Variants in SCUBE2 observed in about 807,000 individuals in gnomAD.
SCUBE2 encodes signal peptide, CUB and EGF-like domain-containing protein 2.
Under a neutral mutation model 125.9 loss-of-function variants are expected in SCUBE2, and 114 were observed. The ratio of observed to expected loss-of-function variants is 0.91; its 90% CI spans 0.78 to 1.06. The LOEUF (loss-of-function observed/expected upper bound fraction) is 1.06, where lower values mean the gene tolerates loss of function less well. Ranked by LOEUF, SCUBE2 falls within the 50% of genes least tolerant of loss-of-function variation. SCUBE2 has a pLI of 0.00. For synonymous variants in SCUBE2, 459 were observed against 492.9 expected (o/e 0.93, Z 0.91); for missense variants, 1,255 against 1,301.8 (o/e 0.96, Z 0.55).
Position 9,047,521 on chromosome 11 carries a change from G to A in SCUBE2, c.1837C>T (p.Arg613Trp), listed in dbSNP as rs755354435. The A allele has an allele frequency of 8.7e-6, 14 of 1,613,908 alleles. No individual in the cohort carries two copies. The South Asian group carries it at 9.9e-5, about 11-fold the overall frequency. ...AGCGTGCGGATGGCTTTACGGAGCC[G>A]CTTCTCGGTTCGCTTTACGATGCAG... The part of the protein sequence containing the change: ...LSCIVKRTEK[R>W]LRKAIRTLRK... The change falls in exon 16 of 23, where the codon CGG becomes TGG. Residue 613 changes from arginine to tryptophan, a missense_variant. Transcript: ENST00000649792.
chr11:9,032,122 C>T (rs1274482444), intron 17 of SCUBE2, among the ~76,000 whole-genome samples: 1 of 151,732 alleles, frequency 6.6e-6, no homozygotes, highest in Non-Finnish European at 1.5e-5. Flanking sequence ...ATTCTTATTG[C>T]TGTCATTTTT....
rs774364318 is a variant in SCUBE2, at chr11:9,047,403, T to C, written c.1955A>G (p.Gln652Arg). 2 of 1,614,066 alleles carry C rather than the reference T, an allele frequency of 1.2e-6. No homozygotes were observed. Among genetic ancestry groups the C allele is most frequent in the African/African-American group, 2.7e-5 (2 of 74,926 alleles). ...AKKPPRTSER[Q>R]AESCGVGQGH... is the part of the protein sequence containing the mutation. ...CTGGCCCACTCCACAGGACTCTGCC[T>C]GGCGTTCAGATGTTCTGGGAGGCTT... The change falls in exon 16 of 23, where the codon CAG (glutamine) becomes CGG (arginine). Residue 652 changes from glutamine (Q) to arginine (R), a missense_variant. Physicochemically the swap from Gln to Arg is conservative, Grantham distance 43. This residue lies in a region of SCUBE2 where 515 missense variants were observed against 515.7 expected (regional missense o/e 1.00). Coordinates refer to ENST00000649792, the MANE Select transcript of SCUBE2 (RefSeq NM_001367977.2).
At position 9,076,544 on chromosome 11, in the gene SCUBE2, A is replaced by C. The variant is rs575073338; in HGVS notation, c.383-1929T>G. Among the ~76,000 whole-genome samples, 3 of 151,958 alleles carry C rather than the reference A, an allele frequency of 2.0e-5. No individual in the cohort carries two copies. In the East Asian group the frequency reaches 5.9e-4, roughly 30 times the overall value. On this transcript the variant is annotated intron_variant, in intron 3 of 22. Coordinates refer to ENST00000649792, the MANE Select transcript of SCUBE2 (RefSeq NM_001367977.2). ...GAACAAACAAGCAGGAGAGGATAGC[A>C]TCACCCGAGCCAGAGAAGAGAAACT...
At chr11:9,054,726 T>TATATATATATA (rs1491239911) in intron 10 of SCUBE2, among the ~76,000 whole-genome samples, 47 of 28,370 alleles carry the variant, frequency 1.7e-3, no homozygotes, top group East Asian at 5.8e-3. Flanking sequence ...TATATATATA[T>TATATATATATA]TTTTTTTTTT....
rs1174774188 is a variant in SCUBE2 at position 9,054,725 on chromosome 11, ATTTTTTTTT to A, written c.1208-975_1208-967del. Among the ~76,000 whole-genome samples the A allele has an allele frequency of 3.8e-3, 84 of 22,336 alleles. 3 individuals are homozygous for A. The highest frequency in any genetic ancestry group is 6.0e-3 in the South Asian group (2 of 334). 14.7% of individuals were successfully genotyped at this position (22,336 alleles called of 152,430 possible). ...TGTATATATATATATATATATATATATTTTTTTTTTTTTTTTTTTTTTTTTTTCAGGTGG... is the reference window on the plus strand; with the variant it reads ...TGTATATATATATATATATATATATATTTTTTTTTTTTTTTTTTCAGGTGG... On this transcript the variant is annotated intron_variant, in intron 10 of 22. Transcript: ENST00000649792.
chr11:9,075,596 C>CT (rs1861151897), intron 3 of SCUBE2, among the ~76,000 whole-genome samples: 1 of 152,174 alleles, frequency 6.6e-6, no homozygotes, highest in Non-Finnish European at 1.5e-5. Flanking sequence ...AATGAAGTGC[C>CT]TACTTAATTT....
chr11:9,083,450 C>T (rs192295653), intron 2 of SCUBE2, among the ~76,000 whole-genome samples: 33 of 152,260 alleles, frequency 2.2e-4, no homozygotes, highest in African/African-American at 7.7e-4. Context: ...AATATCTCTC[C>T]CGTGTATTAG....
intron 4 of SCUBE2, among the ~76,000 whole-genome samples, chr11:9,072,915 C>A (rs1442379740): frequency 2.6e-4 from 40 of 152,282 alleles, no homozygotes; most frequent in Admixed American, 5.9e-4. Context: ...AGTCCGGGGG[C>A]TTGCAGGAGG....
At chr11:9,030,715 G>C in intron 18 of SCUBE2, 43 bp downstream of exon 18, 1 of 1,579,390 alleles carries the variant, frequency 6.3e-7, no homozygotes, top group Non-Finnish European at 8.6e-7. Context: ...ATACTTAGAA[G>C]GGAAATCCAG....
intron 7 of SCUBE2, among the ~76,000 whole-genome samples, chr11:9,063,795 G>C (rs1859915533): frequency 6.6e-6 from 1 of 152,204 alleles, no homozygotes; most frequent in South Asian, 2.1e-4. Flanking sequence ...GGGCAGGCTG[G>C]AAGCCTCCGA....
intron 2 of SCUBE2, among the ~76,000 whole-genome samples, chr11:9,088,143 G>A (rs1303859080): frequency 6.6e-6 from 1 of 152,148 alleles, no homozygotes; most frequent in African/African-American, 2.4e-5. Flanking sequence ...GAAACATCAG[G>A]GTCTGGACAC....
At chr11:9,061,279 G>C (rs4061638) in intron 7 of SCUBE2, among the ~76,000 whole-genome samples, 1 of 152,066 alleles carries the variant, frequency 6.6e-6, no homozygotes, top group Non-Finnish European at 1.5e-5. Flanking sequence ...GGGTGGTGGC[G>C]AGGGTGGTGG....
At chr11:9,029,809 G>GC in intron 19 of SCUBE2, 75 bp downstream of exon 19, 2 of 1,531,478 alleles carry the variant, frequency 1.3e-6, no homozygotes, top group Non-Finnish European at 1.8e-6. Context: ...TCTGCCCCGT[G>GC]CCCCCTGCTC....
chr11:9,062,102 G>A (rs1047354710), intron 7 of SCUBE2, among the ~76,000 whole-genome samples: 3 of 152,212 alleles, frequency 2.0e-5, no homozygotes, highest in Non-Finnish European at 4.4e-5. Context: ...AATAGCAGAG[G>A]AGGAGAGGGT....
chr11:9,079,595 T>C, intron 2 of SCUBE2, 86 bp from the exon 3 acceptor site: 1 of 1,383,540 alleles, frequency 7.2e-7, no homozygotes, highest in Non-Finnish European at 9.9e-7. Context: ...ATTCCACTTC[T>C]AGGAATCTAC....
chr11:9,083,994 G>T (rs567326275), intron 2 of SCUBE2, among the ~76,000 whole-genome samples: 1 of 152,322 alleles, frequency 6.6e-6, no homozygotes, highest in African/African-American at 2.4e-5. Context: ...AGGTAGGAAT[G>T]ATGACACCCT....
Position 9,021,172 on chromosome 11 carries a change from A to G in SCUBE2, c.2960T>C (p.Phe987Ser). Residue 987 changes from phenylalanine to serine, a missense_variant, in exon 23 of 23, where the codon TTT becomes TCT. Phe to Ser is a radical substitution (Grantham distance 155). Coordinates refer to ENST00000649792, the MANE Select transcript of SCUBE2 (RefSeq NM_001367977.2). Reference protein sequence around the residue: ...LKDKKLIKALFDVLAHPQNYF... With the variant: ...LKDKKLIKALSDVLAHPQNYF... ...GTTCTGGGGATGGGCCAGGACATCA[A>G]ACAGAGCCTTGATAAGTTTCTTATC... is the stretch of plus-strand genomic sequence containing the variant. 1 of 1,593,166 alleles carries G rather than the reference A, an allele frequency of 6.3e-7. No individual in the cohort carries two copies. Among genetic ancestry groups the G allele is most frequent in the Non-Finnish European group, 8.5e-7 (1 of 1,171,454 alleles).
chr11:9,068,546 G>A (rs1043709636), intron 5 of SCUBE2, among the ~76,000 whole-genome samples: 1 of 152,218 alleles, frequency 6.6e-6, no homozygotes, highest in African/African-American at 2.4e-5. Context: ...CTATACAGCT[G>A]AGGAAAGTGC....
chr11:9,060,597 C>T, intron 7 of SCUBE2, 73 bp from the exon 8 acceptor site: 5 of 1,276,268 alleles, frequency 3.9e-6, no homozygotes, highest in Non-Finnish European at 5.6e-6. Context: ...GTCACAGAAG[C>T]CAAGAAGCAT....
Sources: gnomAD v4.1 joint callset for allele counts (sites outside exome capture counted in the v4.1 genomes callset) on GRCh38, gnomAD v4.1.1 for gene constraint, gnomAD v4.1.1 regional missense constraint, MANE v1.5 for transcripts, NCBI Gene and HGNC (gene_info 2026-07-23, HGNC 2026-07-21) for gene names.